Variants in AFG2A observed in about 807,000 individuals in gnomAD.
AFG2A encodes the protein AAA ATPase AFG2A.
At chr4:123,035,128 TGTTA>T in the AFG2A span, among the ~76,000 whole-genome samples, 10 of 152,274 alleles carry the variant, frequency 6.6e-5, no homozygotes, top group Non-Finnish European at 1.2e-4. Flanking sequence ...TAAAGGTGTG[TGTTA>T]GTTCTGGCCC....
the AFG2A span, among the ~76,000 whole-genome samples, chr4:123,200,386 C>G: frequency 1.3e-5 from 2 of 152,140 alleles, no homozygotes; most frequent in South Asian, 4.2e-4. Flanking sequence ...ATCTTGGGAG[C>G]CCAAGCGAAT....
At chr4:122,983,863 T>G in the AFG2A span, among the ~76,000 whole-genome samples, 1 of 152,198 alleles carries the variant, frequency 6.6e-6, no homozygotes, top group African/African-American at 2.4e-5. Context: ...GCTGGGTGGC[T>G]AGACCTAGAA....
chr4:123,225,563 G>T, the AFG2A span, among the ~76,000 whole-genome samples: 1 of 151,884 alleles, frequency 6.6e-6, no homozygotes, highest in Non-Finnish European at 1.5e-5. Context: ...CTGTTCCATT[G>T]GTCTATATCT....
the AFG2A span, among the ~76,000 whole-genome samples, chr4:123,003,112 C>T: frequency 6.6e-6 from 1 of 152,176 alleles, no homozygotes; most frequent in Non-Finnish European, 1.5e-5. Context: ...CCTGAGGCTT[C>T]TGCATTCTTC....
At chr4:123,040,140 ATTG>A in the AFG2A span, among the ~76,000 whole-genome samples, 1 of 151,990 alleles carries the variant, frequency 6.6e-6, no homozygotes. Flanking sequence ...AGAAGTTGTT[ATTG>A]TTATTGGACA....
chr4:123,290,393 C>T, the AFG2A span, among the ~76,000 whole-genome samples: 1 of 152,072 alleles, frequency 6.6e-6, no homozygotes, highest in Non-Finnish European at 1.5e-5. Context: ...GACAAGAGTC[C>T]AATTTCATTC....
the AFG2A span, among the ~76,000 whole-genome samples, chr4:123,039,079 T>C: frequency 3.3e-5 from 5 of 152,106 alleles, no homozygotes; most frequent in Non-Finnish European, 7.4e-5. Context: ...AATCTTGTAC[T>C]TTCTAACATT....
At chr4:123,147,889 G>C in the AFG2A span, among the ~76,000 whole-genome samples, 3 of 152,066 alleles carry the variant, frequency 2.0e-5, no homozygotes, top group African/African-American at 2.4e-5. Flanking sequence ...GTAATACTTA[G>C]AACCTTATGT....
At chr4:123,012,113 A>C in the AFG2A span, among the ~76,000 whole-genome samples, 1 of 110,508 alleles carries the variant, frequency 9.0e-6, no homozygotes, top group African/African-American at 3.6e-5. Flanking sequence ...GGAAGGGTAG[A>C]GACATGGAGA....
the AFG2A span, among the ~76,000 whole-genome samples, chr4:122,942,606 T>C: frequency 7.9e-5 from 12 of 152,222 alleles, no homozygotes; most frequent in African/African-American, 2.9e-4. Context: ...ATTAATGTTT[T>C]GAAGGGTTTT....
the AFG2A span, among the ~76,000 whole-genome samples, chr4:123,249,266 C>G: frequency 5.3e-5 from 8 of 152,058 alleles, no homozygotes; most frequent in Admixed American, 3.9e-4. Flanking sequence ...GAAATATGTG[C>G]GAAAACAGGG....
the AFG2A span, among the ~76,000 whole-genome samples, chr4:123,170,057 TTAG>T: frequency 6.6e-6 from 1 of 152,206 alleles, no homozygotes; most frequent in African/African-American, 2.4e-5. Flanking sequence ...TGTAATATTT[TTAG>T]TAGTTACAAG....
the AFG2A span, among the ~76,000 whole-genome samples, chr4:123,015,864 C>T: frequency 2.3e-4 from 9 of 39,714 alleles, no homozygotes; most frequent in African/African-American, 2.8e-4. Context: ...GGGGGGCTGA[C>T]CCCCCCACCT....
chr4:123,268,594 G>A, the AFG2A span, among the ~76,000 whole-genome samples: 1 of 152,294 alleles, frequency 6.6e-6, no homozygotes, highest in Middle Eastern at 3.4e-3. Flanking sequence ...GAAGCTGTAC[G>A]ACAGGAGAGC....
chr4:123,004,262 G>A, the AFG2A span, among the ~76,000 whole-genome samples: 1 of 152,192 alleles, frequency 6.6e-6, no homozygotes, highest in Admixed American at 6.5e-5. Context: ...TGCGCTTCCC[G>A]AGTGAGGAAA....
the AFG2A span, chr4:122,927,732 C>A: frequency 6.2e-7 from 1 of 1,613,114 alleles, no homozygotes; most frequent in South Asian, 1.1e-5. Flanking sequence ...ACCAGTGTTG[C>A]TTACTAGTTT....
chr4:123,243,130 C>T, the AFG2A span, among the ~76,000 whole-genome samples: 23 of 152,286 alleles, frequency 1.5e-4, 1 homozygote, highest in South Asian at 1.0e-3. Context: ...GAAGTAGGAA[C>T]GCCTTTACAC....
the AFG2A span, among the ~76,000 whole-genome samples, chr4:122,949,711 A>G: frequency 6.6e-6 from 1 of 152,168 alleles, no homozygotes; most frequent in Non-Finnish European, 1.5e-5. Flanking sequence ...CTGGTTTACA[A>G]TACCAAATGG....
chr4:123,227,286 C>A, the AFG2A span, among the ~76,000 whole-genome samples: 3 of 152,118 alleles, frequency 2.0e-5, no homozygotes, highest in Non-Finnish European at 2.9e-5. Flanking sequence ...TTCTCTAGTT[C>A]TTTTAATTGT....
Sources: gnomAD v4.1 joint callset for allele counts (sites outside exome capture counted in the v4.1 genomes callset) on GRCh38, gnomAD v4.1.1 for gene constraint, MANE v1.5 for transcripts, NCBI Gene and HGNC (gene_info 2026-07-23, HGNC 2026-07-21) for gene names.